The following TEX38 variants were observed in gnomAD, a reference collection of about 807,000 sequenced individuals.
The protein encoded by TEX38 is testis expressed 38, also known as testis-expressed protein 38.
Under a neutral mutation model 2.7 loss-of-function variants are expected in TEX38, and 5 were observed. The observed-to-expected ratio is 1.86, with a 90% confidence interval of 0.97 to 3.90. The LOEUF (loss-of-function observed/expected upper bound fraction) is 3.90, where lower values mean the gene tolerates loss of function less well. Among genes scored for constraint, TEX38 ranks in the 30% most tolerant of loss-of-function variants. The pLI is 0.00. For synonymous variants in TEX38, 110 were observed against 103.3 expected, an observed-to-expected ratio of 1.06 and a Z score of -0.39; for missense variants, 218 against 247.9, an observed-to-expected ratio of 0.88 and a Z score of 0.81.
chr1:46,673,103 A>G lies in TEX38; in HGVS notation c.268A>G (p.Thr90Ala). 2 of 1,551,754 alleles carry G rather than the reference A, an allele frequency of 1.3e-6. No individual in the cohort carries two copies. The highest frequency in any genetic ancestry group is 2.4e-5 in the South Asian group (2 of 84,058). The change falls in exon 2 of 2, where the codon ACC (threonine) becomes GCC (alanine). Residue 90 changes from threonine (T) to alanine (A), a missense_variant. Coordinates refer to ENST00000334122, the MANE Select transcript of TEX38 (RefSeq NM_001145474.4). ...CAACACGGGCCCTGCCCCTGCTGTC[A>G]CCAAGACTGAGACTGAGGTCCAGAA... is the stretch of plus-strand genomic sequence containing the variant. The part of the protein sequence containing the change: ...AINTGPAPAV[T>A]KTETEVQNPD...
In TEX38 at chr1:46,673,510, G is replaced by C; in HGVS notation, c.*54G>C. On this transcript the variant is annotated 3_prime_UTR_variant, in exon 2 of 2. Transcript: ENST00000334122. ...GGAATCAGGTGCAGAGTAGGAAATG[G>C]AACTAACCTCAGGAAGGTGGTATTG... 1 of 1,439,934 alleles carries C rather than the reference G, an allele frequency of 6.9e-7. No homozygotes were observed. The highest frequency in any genetic ancestry group is 9.3e-7 in the Non-Finnish European group (1 of 1,073,220). The allele number at this position is 1,439,934 out of a possible 1,614,324, so 89.2% of individuals were successfully genotyped here. A position where few individuals can be genotyped will look rare whatever the true frequency, so the allele number is the denominator to read the frequency against.
At chr1:46,671,559 C>G, upstream of TEX38, among the ~76,000 whole-genome samples, 1 of 152,134 alleles carries the variant, frequency 6.6e-6, no homozygotes, top group South Asian at 2.1e-4. Flanking sequence ...TCAACCGTTC[C>G]CTAAAGACCA....
At chr1:46,670,167 A>G (rs1676562955), upstream of TEX38, among the ~76,000 whole-genome samples, 1 of 152,206 alleles carries the variant, frequency 6.6e-6, no homozygotes, top group African/African-American at 2.4e-5. Context: ...TACAGGGAAC[A>G]GTAATCCAAG....
In TEX38 at chr1:46,673,322, C is replaced by A; in HGVS notation, c.487C>A (p.Pro163Thr). 1.9e-6 allele frequency: 3 copies of A among 1,551,206 alleles called. No individual in the cohort carries two copies. The highest frequency in any genetic ancestry group is 2.6e-6 in the Non-Finnish European group (3 of 1,146,768). Residue 163 changes from proline (P) to threonine (T), a missense_variant, in exon 2 of 2, where the codon CCC (proline) becomes ACC (threonine). Coordinates refer to ENST00000334122, the MANE Select transcript of TEX38 (RefSeq NM_001145474.4). ...VPFAPPLCNL[P>T]PLLNHSVSYP... ...CTTTGCCCCACCCTTGTGCAACCTACCCCCCCTGCTGAACCACTCTGTCTC... is the reference window on the plus strand; with the variant it reads ...CTTTGCCCCACCCTTGTGCAACCTAACCCCCCTGCTGAACCACTCTGTCTC...
chr1:46,671,589 G>C (rs1020561290), upstream of TEX38, among the ~76,000 whole-genome samples: 2 of 152,176 alleles, frequency 1.3e-5, no homozygotes, highest in African/African-American at 4.8e-5. Context: ...GTAAGTACCT[G>C]AGGGACAATG....
chr1:46,670,653 G>T (rs1483633904), upstream of TEX38, among the ~76,000 whole-genome samples: 1 of 152,156 alleles, frequency 6.6e-6, no homozygotes, highest in Non-Finnish European at 1.5e-5. Flanking sequence ...TACATTTAGA[G>T]ATCAGGGGAA....
Position 46,673,533 on chromosome 1 carries a change from T to C in TEX38, c.*77T>C, listed in dbSNP as rs1426563490. On this transcript the variant is annotated 3_prime_UTR_variant, in exon 2 of 2. Transcript: ENST00000334122. ...TGGAACTAACCTCAGGAAGGTGGTA[T>C]TGACAGAGGTCAGGACCCACCTGGA... The C allele has an allele frequency of 5.4e-6, 7 of 1,307,702 alleles. No homozygotes were observed. Among genetic ancestry groups the C allele is most frequent in the Admixed American group, 2.5e-5 (1 of 39,660 alleles). The allele number at this position is 1,307,702 out of a possible 1,614,324, so 81.0% of individuals were successfully genotyped here. A position where few individuals can be genotyped will look rare whatever the true frequency, so the allele number is the denominator to read the frequency against.
chr1:46,672,751 AG>A, intron 1 of TEX38, 121 bp from the exon 2 acceptor site: 1 of 845,914 alleles, frequency 1.2e-6, no homozygotes, highest in Non-Finnish European at 1.8e-6. Context: ...AGGAACGGTG[AG>A]AGTAGTTAAG....
chr1:46,672,797 G>T, intron 1 of TEX38, 76 bp from the exon 2 acceptor site: 1 of 1,320,476 alleles, frequency 7.6e-7, no homozygotes, highest in South Asian at 1.4e-5. Flanking sequence ...TTAAGTGAAA[G>T]AGGAATGAGA....
rs201766055 is a variant in TEX38, at chr1:46,673,325, C to A, written c.490C>A (p.Pro164Thr). The A allele has an allele frequency of 2.2e-5, 34 of 1,551,708 alleles. No homozygotes were observed. The highest frequency in any genetic ancestry group is 2.6e-5 in the Non-Finnish European group (30 of 1,147,036). ...TGCCCCACCCTTGTGCAACCTACCC[C>A]CCCTGCTGAACCACTCTGTCTCCTA... Reference protein sequence around the residue: ...PFAPPLCNLPPLLNHSVSYPL... With the variant: ...PFAPPLCNLPTLLNHSVSYPL... The change falls in exon 2 of 2, where the codon CCC becomes ACC. Residue 164 changes from proline (P) to threonine (T), a missense_variant. Physicochemically the swap from Pro to Thr is conservative, Grantham distance 38. Coordinates refer to ENST00000334122, the MANE Select transcript of TEX38 (RefSeq NM_001145474.4).
upstream of TEX38, chr1:46,669,160 T>A: frequency 3.8e-6 from 1 of 264,928 alleles, no homozygotes; most frequent in Non-Finnish European, 7.8e-6. Context: ...CATCTCTGTG[T>A]CCCACCTGCT....
chr1:46,670,531 G>A (rs775377287), upstream of TEX38, among the ~76,000 whole-genome samples: 28 of 152,190 alleles, frequency 1.8e-4, no homozygotes, highest in Non-Finnish European at 2.8e-4. Flanking sequence ...AGGCTGGAGA[G>A]ATACAGTTGC....
chr1:46,669,603 T>G, upstream of TEX38: 1 of 427,328 alleles, frequency 2.3e-6, no homozygotes, highest in South Asian at 1.6e-5. Context: ...CTTGTTTATA[T>G]TAATTCATTG....
At chr1:46,669,173 C>A (rs1028535822), upstream of TEX38, 1 of 266,742 alleles carries the variant, frequency 3.7e-6, no homozygotes, top group Non-Finnish European at 7.8e-6. Flanking sequence ...CACCTGCTCA[C>A]AGAACAGGGC....
rs191877327 is a variant in TEX38 at position 46,672,904 on chromosome 1, G to T, written c.69G>T (p.Gly23=). ...MWVSLYFGIL[G]LCSVITGGCI... ...TCTCATTGTACTTTGGAATCCTGGG[G>T]CTGTGTTCTGTGATAACTGGAGGGT... is the stretch of plus-strand genomic sequence containing the variant. The change falls in exon 2 of 2, where the codon GGG becomes GGT. Residue 23 remains glycine (G), a synonymous_variant. Transcript: ENST00000334122. 1 of 1,551,578 alleles carries T rather than the reference G, an allele frequency of 6.4e-7. No homozygotes were observed. The highest frequency in any genetic ancestry group is 8.7e-7 in the Non-Finnish European group (1 of 1,146,952).
At chr1:46,670,585 G>A (rs1369892798), upstream of TEX38, among the ~76,000 whole-genome samples, 2 of 152,170 alleles carry the variant, frequency 1.3e-5, no homozygotes, top group Non-Finnish European at 2.9e-5. Flanking sequence ...GGGTCTGGGT[G>A]AGATAACTGA....
At chr1:46,670,556 T>C (rs1176322490), upstream of TEX38, among the ~76,000 whole-genome samples, 1 of 152,058 alleles carries the variant, frequency 6.6e-6, no homozygotes, top group African/African-American at 2.4e-5. Flanking sequence ...TGTCAGTGTA[T>C]AGTGATATTT....
At chr1:46,672,415 T>A (rs1676600034) in intron 1 of TEX38, among the ~76,000 whole-genome samples, 1 of 152,158 alleles carries the variant, frequency 6.6e-6, no homozygotes, top group African/African-American at 2.4e-5. Context: ...TGGCTAATTT[T>A]AAAATTTTTA....
chr1:46,669,327 A>G (rs1276898276), upstream of TEX38: 1 of 445,778 alleles, frequency 2.2e-6, no homozygotes, highest in Non-Finnish European at 4.5e-6. Flanking sequence ...ATCAGCCCTG[A>G]GCCCTGCCCT....
Sources: gnomAD v4.1 joint callset for allele counts (sites outside exome capture counted in the v4.1 genomes callset) on GRCh38, gnomAD v4.1.1 for gene constraint, MANE v1.5 for transcripts, NCBI Gene and HGNC (gene_info 2026-07-23, HGNC 2026-07-21) for gene names.